Variants in EPYC observed in about 807,000 individuals in gnomAD.
EPYC encodes the protein epiphycan.
A neutral mutation model predicts 30.1 loss-of-function variants in EPYC; 28 were observed. The observed-to-expected ratio is 0.93, with a 90% CI of 0.69 to 1.28. The LOEUF is 1.28. Among genes scored for constraint, EPYC ranks in the 50% most tolerant of loss-of-function variants. The pLI is 0.00. For synonymous variants in EPYC, 144 were observed against 141.4 expected (o/e 1.02, Z -0.13); for missense variants, 382 against 383.5 (o/e 1.00, Z 0.03).
chr12:91,004,515 T>C lies in EPYC; in HGVS notation c.-14+432A>G, dbSNP rs569693332. Among the ~76,000 whole-genome samples, 22 of 152,188 alleles carry C rather than the reference T, an allele frequency of 1.4e-4. No homozygotes were observed. In the South Asian group the frequency reaches 4.6e-3, roughly 32 times the overall value. ...GTATTTAAAACTTTCAATATATAGC[T>C]CAAAAAAATTTTAAATGCATAATGT... On this transcript the variant is annotated intron_variant, in intron 1 of 6. Coordinates refer to ENST00000261172, the MANE Select transcript of EPYC (RefSeq NM_004950.5).
At chr12:90,983,250 A>C (rs2120837306) in intron 2 of EPYC, among the ~76,000 whole-genome samples, 1 of 152,304 alleles carries the variant, frequency 6.6e-6, no homozygotes, top group Middle Eastern at 3.4e-3. Context: ...CTCCCTAAGC[A>C]AAGGCTACCA....
rs146720844 is a variant in EPYC, at chr12:90,992,397, G to T, written c.165+10004C>A. ...GCATGGGGAATAGAGAAAACTTTCC[G>T]AGGGGTAGACTTCTTGAAATCCATA... On this transcript the variant is annotated intron_variant, in intron 2 of 6. Coordinates refer to ENST00000261172, the MANE Select transcript of EPYC (RefSeq NM_004950.5). Among the ~76,000 whole-genome samples, 21 of 152,268 alleles carry T rather than the reference G, an allele frequency of 1.4e-4. No homozygotes were observed. The East Asian group carries it at 4.1e-3, about 29-fold the overall frequency.
At chr12:90,983,787 CTA>C (rs1877381687) in intron 2 of EPYC, among the ~76,000 whole-genome samples, 1 of 152,132 alleles carries the variant, frequency 6.6e-6, no homozygotes, top group Non-Finnish European at 1.5e-5. Flanking sequence ...TGGTGCTTTT[CTA>C]TTTTTTCCTA....
At chr12:90,990,893 C>T (rs1877568519) in intron 2 of EPYC, among the ~76,000 whole-genome samples, 1 of 152,030 alleles carries the variant, frequency 6.6e-6, no homozygotes, top group Admixed American at 6.6e-5. Flanking sequence ...TCTCTACTTC[C>T]AAAATTTACT....
chr12:90,985,337 C>T (rs1273698203), intron 2 of EPYC, among the ~76,000 whole-genome samples: 1 of 152,174 alleles, frequency 6.6e-6, no homozygotes, highest in African/African-American at 2.4e-5. Context: ...CCCCTGTCAT[C>T]CAACTCCCTC....
intron 2 of EPYC, among the ~76,000 whole-genome samples, chr12:90,987,488 C>T (rs2120846012): frequency 6.6e-6 from 1 of 152,310 alleles, no homozygotes; most frequent in African/African-American, 2.4e-5. Context: ...GACCACATTT[C>T]ATGTGTCTTT....
intron 2 of EPYC, among the ~76,000 whole-genome samples, chr12:90,990,925 T>C (rs1346674355): frequency 6.6e-6 from 1 of 152,208 alleles, no homozygotes; most frequent in Non-Finnish European, 1.5e-5. Flanking sequence ...ATGTCCATTC[T>C]ATCCTTTTAT....
At chr12:90,999,487 G>A (rs1026591589) in intron 2 of EPYC, among the ~76,000 whole-genome samples, 1 of 151,914 alleles carries the variant, frequency 6.6e-6, no homozygotes, top group African/African-American at 2.4e-5. Flanking sequence ...ACACATAGGA[G>A]ATTTAAAAAA....
At chr12:90,972,642 A>G (rs975744525) in intron 4 of EPYC, 180 bp downstream of exon 4, 39 of 555,024 alleles carry the variant, frequency 7.0e-5, no homozygotes, top group Non-Finnish European at 1.1e-4. Flanking sequence ...ACCATTGCTT[A>G]TTTGTTGTTT....
intron 2 of EPYC, among the ~76,000 whole-genome samples, chr12:90,990,874 CTTTT>C (rs2120852456): frequency 6.6e-6 from 1 of 152,178 alleles, no homozygotes; most frequent in Non-Finnish European, 1.5e-5. Context: ...CTGGGATATT[CTTTT>C]TTTCTCTCTA....
At chr12:90,995,775 T>C (rs1188438838) in intron 2 of EPYC, among the ~76,000 whole-genome samples, 6 of 151,918 alleles carry the variant, frequency 3.9e-5, no homozygotes, top group Admixed American at 3.9e-4. Flanking sequence ...GGTTCTTAAA[T>C]ACTGTAGCTT....
chr12:90,992,566 G>A (rs867674494), intron 2 of EPYC, among the ~76,000 whole-genome samples: 23 of 152,074 alleles, frequency 1.5e-4, no homozygotes, highest in African/African-American at 5.3e-4. Flanking sequence ...ATAGGTCTTA[G>A]CACAAAAAGG....
At chr12:90,980,517 G>C (rs1262820052) in intron 2 of EPYC, among the ~76,000 whole-genome samples, 1 of 152,048 alleles carries the variant, frequency 6.6e-6, no homozygotes. Context: ...AAGAGATTTA[G>C]GCATTTTTTC....
chr12:90,984,168 A>T (rs1877392951), intron 2 of EPYC, among the ~76,000 whole-genome samples: 1 of 152,122 alleles, frequency 6.6e-6, no homozygotes, highest in South Asian at 2.1e-4. Context: ...TTAGGACTCT[A>T]ACAGATTTTT....
At chr12:90,979,647 A>G (rs1877277670) in intron 2 of EPYC, among the ~76,000 whole-genome samples, 2 of 152,122 alleles carry the variant, frequency 1.3e-5, no homozygotes, top group South Asian at 4.1e-4. Context: ...GTGCTTCCAT[A>G]GAGTCTCTCT....
At chr12:90,994,005 A>G (rs1022082598) in intron 2 of EPYC, among the ~76,000 whole-genome samples, 1 of 152,162 alleles carries the variant, frequency 6.6e-6, no homozygotes, top group Non-Finnish European at 1.5e-5. Context: ...CTTACATTCC[A>G]ATAGATAGCT....
chr12:90,991,115 T>C (rs759633063), intron 2 of EPYC, among the ~76,000 whole-genome samples: 4 of 152,184 alleles, frequency 2.6e-5, no homozygotes, highest in Non-Finnish European at 5.9e-5. Flanking sequence ...TCTTTGTTCT[T>C]CTCAAACGTG....
At chr12:90,979,509 T>G (rs1877274363) in intron 2 of EPYC, among the ~76,000 whole-genome samples, 1 of 152,198 alleles carries the variant, frequency 6.6e-6, no homozygotes, top group African/African-American at 2.4e-5. Flanking sequence ...ATTTTAGGAA[T>G]ACACTTATGA....
At chr12:91,002,189 C>CA (rs34987645) in intron 2 of EPYC, among the ~76,000 whole-genome samples, 6,193 of 73,248 alleles carry the variant, frequency 0.085, 349 homozygotes, top group Non-Finnish European at 0.1. Flanking sequence ...GACACTGTCT[C>CA]AAAAAAAAAA....
Sources: gnomAD v4.1 joint callset for allele counts (sites outside exome capture counted in the v4.1 genomes callset) on GRCh38, gnomAD v4.1.1 for gene constraint, MANE v1.5 for transcripts, NCBI Gene and HGNC (gene_info 2026-07-23, HGNC 2026-07-21) for gene names.